PDE4A: variants seen among roughly 807,000 people sequenced by gnomAD.
The protein encoded by PDE4A is phosphodiesterase 4A, also known as 3',5'-cyclic-AMP phosphodiesterase 4A.
In PDE4A, 21 loss-of-function variants were observed where a neutral mutation model predicts 73.9. The observed-to-expected ratio is 0.28, with a 90% CI of 0.20 to 0.41. PDE4A has a LOEUF of 0.41. PDE4A is among the 10% of genes least tolerant of loss of function. The pLI is 1.00. For synonymous variants in PDE4A, 463 were observed against 505.4 expected (o/e 0.92, Z 1.13); for missense variants, 958 against 1,211.4 (o/e 0.79, Z 3.10).
At chr19:10,440,088 A>T (rs1183381705) in intron 1 of PDE4A, among the ~76,000 whole-genome samples, 27 of 148,336 alleles carry the variant, frequency 1.8e-4, no homozygotes, top group African/African-American at 6.7e-4. Context: ...GGGTTCAAGC[A>T]ATTCTCCTGC....
intron 7 of PDE4A, chr19:10,457,675 C>A: frequency 2.0e-6 from 1 of 497,420 alleles, no homozygotes; most frequent in Non-Finnish European, 2.6e-6. Context: ...GAGCCCTGGG[C>A]CCCCACTCCA....
At chr19:10,459,880 CTCTT>C (rs1282820844) in intron 10 of PDE4A, 121 bp downstream of exon 10, 4 of 1,204,118 alleles carry the variant, frequency 3.3e-6, no homozygotes, top group Admixed American at 5.7e-5. Context: ...CCATTTCTCT[CTCTT>C]TTTTTTTTCT....
In PDE4A at chr19:10,446,203, G is replaced by A. The variant is rs200577325; in HGVS notation, c.321-15G>A. The A allele has an allele frequency of 7.5e-5, 116 of 1,552,696 alleles. No individual in the cohort carries two copies. In the African/African-American group the frequency reaches 7.9e-4, roughly 11 times the overall value. On this transcript the variant is annotated splice_polypyrimidine_tract_variant and intron_variant, in intron 1 of 14. Coordinates refer to ENST00000380702, the MANE Select transcript of PDE4A (RefSeq NM_001111307.2). ...TTTCAGCCTCCTGACCCCTCTTCTC[G>A]CCCATCCCCTGCAGCTTCGAGGCAG...
intron 14 of PDE4A, among the ~76,000 whole-genome samples, chr19:10,465,683 C>CTTTTTTTTTTTTTTTTTTTTTTTTT (rs749126870): frequency 2.1e-5 from 1 of 48,366 alleles, no homozygotes; most frequent in Non-Finnish European, 3.7e-5. Flanking sequence ...GTGGCTTTAG[C>CTTTTTTTTTTTTTTTTTTTTTTTTT]TTTTTTTTTT....
chr19:10,417,278 C>T, upstream of PDE4A: 1 of 984,652 alleles, frequency 1.0e-6, no homozygotes, highest in South Asian at 4.7e-5. Context: ...TTGAGAGTCT[C>T]AGATGTGAGG....
chr19:10,443,085 G>T (rs916492712), intron 1 of PDE4A, among the ~76,000 whole-genome samples: 1 of 151,970 alleles, frequency 6.6e-6, no homozygotes, highest in African/African-American at 2.4e-5. Flanking sequence ...AGGCTTAGGT[G>T]GGGGGATCGC....
Position 10,467,168 on chromosome 19 carries a change from G to A in PDE4A, c.2208G>A (p.Ala736=), listed in dbSNP as rs149743583. ...GCACAGCCCAAGAGGCATTGACTGCGCAGGGATTGTCAGGAGTCGAGGAAG... is the reference window on the plus strand; with the variant it reads ...GCACAGCCCAAGAGGCATTGACTGCACAGGGATTGTCAGGAGTCGAGGAAG... ...IPCTAQEALT[A]QGLSGVEEAL... is the part of the protein sequence containing the mutation. Residue 736 remains alanine (A), a synonymous_variant, in exon 15 of 15, where the codon GCG becomes GCA. Transcript: ENST00000380702. 32 of 1,614,074 alleles carry A rather than the reference G, an allele frequency of 2.0e-5. No individual in the cohort carries two copies. Among genetic ancestry groups the A allele is most frequent in the Middle Eastern group, 1.6e-4 (1 of 6,084 alleles).
In PDE4A at chr19:10,468,588, T is replaced by G. The variant is rs201347822; in HGVS notation, c.*967T>G. On this transcript the variant is annotated 3_prime_UTR_variant, in exon 15 of 15. Transcript: ENST00000380702. ...TTGCAGTGGCCGCCTGCACCTTGGATGAGGCAGGGCCAGGCGCCCAGAACC... is the reference window on the plus strand; with the variant it reads ...TTGCAGTGGCCGCCTGCACCTTGGAGGAGGCAGGGCCAGGCGCCCAGAACC... The G allele has an allele frequency of 3.2e-4, 47 of 149,078 alleles. 1 individual carries two copies. The highest frequency in any genetic ancestry group is 1.1e-3 in the African/African-American group (46 of 40,178). 9.2% of individuals were successfully genotyped at this position (149,078 alleles called of 1,614,324 possible). A position where few individuals can be genotyped will look rare whatever the true frequency, so the allele number is the denominator to read the frequency against.
chr19:10,457,718 C>T lies in PDE4A; in HGVS notation c.878-161C>T, dbSNP rs571152155. On this transcript the variant is annotated intron_variant, in intron 7 of 14. Transcript: ENST00000380702. ...ACCTCCTGGAAGATTTCCCACATCCCCTCTGGTTTCCTGACTCTGAGTAGC... is the reference window on the plus strand; with the variant it reads ...ACCTCCTGGAAGATTTCCCACATCCTCTCTGGTTTCCTGACTCTGAGTAGC... 968 of 902,512 alleles carry T rather than the reference C, an allele frequency of 1.1e-3. 2 individuals are homozygous for T. Among genetic ancestry groups the T allele is most frequent in the Non-Finnish European group, 1.2e-3 (928 of 754,744 alleles). 55.9% of individuals were successfully genotyped at this position (902,512 alleles called of 1,614,324 possible). A position where few individuals can be genotyped will look rare whatever the true frequency, so the allele number is the denominator to read the frequency against.
intron 4 of PDE4A, among the ~76,000 whole-genome samples, chr19:10,449,922 C>A (rs1324699828): frequency 6.7e-6 from 1 of 150,050 alleles, no homozygotes; most frequent in Non-Finnish European, 1.5e-5. Flanking sequence ...AAAATGAGAC[C>A]CTGTCTCTAA....
In PDE4A at chr19:10,454,892, G is replaced by A; in HGVS notation, c.847G>A (p.Val283Ile). The A allele has an allele frequency of 6.2e-7, 1 of 1,614,082 alleles. No homozygotes were observed. The highest frequency in any genetic ancestry group is 2.2e-5 in the East Asian group (1 of 44,870). The change falls in exon 7 of 15, where the codon GTC becomes ATC. Residue 283 changes from valine (V) to isoleucine (I), a missense_variant. Val to Ile is a conservative substitution (Grantham distance 29). Transcript: ENST00000380702. ...AGAAATGAGCAGGTCCGGAAACCAG[G>A]TCTCAGAGTACATTTCCACAACATT... Reference protein sequence around the residue: ...LSEMSRSGNQVSEYISTTFLD... With the variant: ...LSEMSRSGNQISEYISTTFLD...
At position 10,461,650 on chromosome 19, in the gene PDE4A, G is replaced by T; in HGVS notation, c.1590G>T (p.Arg530=). 1.3e-6 allele frequency: 2 copies of T among 1,563,112 alleles called. 1 individual carries two copies. ...TCCAGAACCTCAGCAAGCGCCAGCG[G>T]CAGAGCCTACGCAAGATGGTCATCG... The part of the protein sequence containing the change: ...DIFQNLSKRQ[R]QSLRKMVIDM... Residue 530 remains arginine, a synonymous_variant, in exon 12 of 15, where the codon CGG becomes CGT. Transcript: ENST00000380702.
chr19:10,452,019 T>TGG (rs1209376546), intron 6 of PDE4A, among the ~76,000 whole-genome samples: 2 of 112,760 alleles, frequency 1.8e-5, no homozygotes, highest in African/African-American at 8.0e-5. Flanking sequence ...GTTTCTGCAA[T>TGG]GGTGTGTGTG....
At chr19:10,428,341 GA>G (rs1215043603) in intron 1 of PDE4A, among the ~76,000 whole-genome samples, 2 of 150,708 alleles carry the variant, frequency 1.3e-5, no homozygotes, top group African/African-American at 4.9e-5. Context: ...CTCGATGACA[GA>G]GTGAGATCCT....
intron 1 of PDE4A, among the ~76,000 whole-genome samples, chr19:10,421,850 C>T (rs938357966): frequency 2.0e-5 from 3 of 152,288 alleles, no homozygotes; most frequent in South Asian, 4.1e-4. Flanking sequence ...GATTGACCTC[C>T]GTTTGCTCCA....
intron 1 of PDE4A, among the ~76,000 whole-genome samples, chr19:10,438,019 G>T (rs2042887995): frequency 6.6e-6 from 1 of 151,850 alleles, no homozygotes; most frequent in African/African-American, 2.4e-5. Context: ...ATGTTTCCCA[G>T]GCTGGTGTTG....
At chr19:10,426,636 C>T (rs980513964) in intron 1 of PDE4A, among the ~76,000 whole-genome samples, 2 of 151,802 alleles carry the variant, frequency 1.3e-5, no homozygotes, top group African/African-American at 4.8e-5. Flanking sequence ...TTTGGGAGGC[C>T]AAGGCAGGTG....
chr19:10,432,255 C>T (rs578197220), intron 1 of PDE4A, among the ~76,000 whole-genome samples: 1 of 151,736 alleles, frequency 6.6e-6, no homozygotes, highest in Non-Finnish European at 1.5e-5. Context: ...CGTGCGCTCC[C>T]CTCCCCCGTG....
intron 1 of PDE4A, among the ~76,000 whole-genome samples, chr19:10,441,394 T>C (rs2145505327): frequency 6.6e-6 from 1 of 152,174 alleles, no homozygotes; most frequent in East Asian, 1.9e-4. Flanking sequence ...CCCAGAGTGC[T>C]GGGATTACAG....
Sources: allele counts gnomAD v4.1 joint callset (sites outside exome capture counted in the v4.1 genomes callset), GRCh38; gene constraint gnomAD v4.1.1; transcripts MANE v1.5; gene names NCBI Gene and HGNC (gene_info 2026-07-23, HGNC 2026-07-21).